The following SPTBN5 variants were observed in gnomAD, a reference collection of about 807,000 sequenced individuals.
The protein encoded by SPTBN5 is spectrin beta chain, non-erythrocytic 5.
A neutral mutation model predicts 477.6 loss-of-function variants in SPTBN5; 513 were observed. The observed-to-expected ratio is 1.07, with a 90% CI of 1.00 to 1.16. The LOEUF (loss-of-function observed/expected upper bound fraction) is 1.16, where lower values mean the gene tolerates loss of function less well. Ranked by LOEUF, SPTBN5 falls within the 50% of genes most tolerant of loss-of-function variation. The probability of loss-of-function intolerance (pLI) is 0.00; values close to 1 mark genes in which losing one functional copy is unlikely to be tolerated. For synonymous variants in SPTBN5, 2,169 were observed against 2,011.7 expected (o/e 1.08, Z -2.09); for missense variants, 5,062 against 4,731.8 (o/e 1.07, Z -2.05).
At position 41,893,392 on chromosome 15, in the gene SPTBN5, T is replaced by C. The variant is rs751703659; in HGVS notation, c.106A>G (p.Met36Val). The stretch of plus-strand genomic sequence containing the variant: ...TGGCCCGTCTCGTACTGAGAGTCCA[T>C]GGTGAGACTTGGACTGGGCGGGACC... Reference protein sequence around the residue: ...LRVPPSPSLTMDSQYETGHIR... With the variant: ...LRVPPSPSLTVDSQYETGHIR... The change falls in exon 2 of 68, where the codon ATG becomes GTG. Residue 36 changes from methionine to valine, a missense_variant. Coordinates refer to ENST00000320955, the MANE Select transcript of SPTBN5 (RefSeq NM_016642.4). 5 of 1,613,686 alleles carry C rather than the reference T, an allele frequency of 3.1e-6. No homozygotes were observed. In the African/African-American group the frequency reaches 5.3e-5, roughly 17 times the overall value.
In SPTBN5 at chr15:41,855,696, C is replaced by T. The variant is rs755970158; in HGVS notation, c.9071G>A (p.Ser3024Asn). The change falls in exon 54 of 68, where the codon AGC (serine) becomes AAC (asparagine). Residue 3024 changes from serine to asparagine, a missense_variant. Ser to Asn is a conservative substitution (Grantham distance 46). Coordinates refer to ENST00000320955, the MANE Select transcript of SPTBN5 (RefSeq NM_016642.4). ...WLAERGHVLDSEDMGHSAEAT... is the reference protein window; with the variant it reads ...WLAERGHVLDNEDMGHSAEAT... The stretch of plus-strand genomic sequence containing the variant: ...TTCAGCACTGTGGCCCATGTCCTCG[C>T]TGTCCAGGACATGGCCCCGCTCAGC... The T allele has an allele frequency of 1.9e-6, 3 of 1,600,950 alleles. No homozygotes were observed. In the South Asian group the frequency reaches 3.3e-5, roughly 18 times the overall value.
At position 41,883,101 on chromosome 15, in the gene SPTBN5, G is replaced by A; in HGVS notation, c.1787C>T (p.Thr596Ile). The change falls in exon 9 of 68, where the codon ACA (threonine) becomes ATA (isoleucine). Residue 596 changes from threonine to isoleucine, a missense_variant. Transcript: ENST00000320955. ...GAHVSHLAQQTAELDSSLGTS... is the reference protein window; with the variant it reads ...GAHVSHLAQQIAELDSSLGTS... ...GCCCAGGGAGGAGTCCAGCTCTGCT[G>A]TCTGCTGAGCAAGATGGCTCACATG... 2 of 1,609,514 alleles carry A rather than the reference G, an allele frequency of 1.2e-6. No individual in the cohort carries two copies. The highest frequency in any genetic ancestry group is 1.1e-5 in the South Asian group (1 of 90,096).
intron 34 of SPTBN5, 56 bp from the exon 35 acceptor site, chr15:41,867,698 A>G: frequency 6.5e-7 from 1 of 1,541,146 alleles, no homozygotes; most frequent in Non-Finnish European, 8.9e-7. Context: ...CAGCCCCTCC[A>G]GCTGCAGTCT....
chr15:41,892,029 A>T (rs2067329510), intron 3 of SPTBN5, among the ~76,000 whole-genome samples: 1 of 152,202 alleles, frequency 6.6e-6, no homozygotes, highest in African/African-American at 2.4e-5. Flanking sequence ...AGGGCCCAGC[A>T]TTCTGCAGCT....
intron 7 of SPTBN5, 97 bp downstream of exon 7, chr15:41,885,638 C>T: frequency 1.4e-6 from 2 of 1,414,820 alleles, no homozygotes; most frequent in Non-Finnish European, 1.9e-6. Context: ...TCATCCCTCT[C>T]CTCTCTGGCA....
At chr15:41,881,672 G>A (rs1224638875) in intron 12 of SPTBN5, among the ~76,000 whole-genome samples, 1 of 152,214 alleles carries the variant, frequency 6.6e-6, no homozygotes. Flanking sequence ...AGTGCTTAAC[G>A]GTCTGAAACT....
At chr15:41,883,528 G>A (rs779035391) in intron 7 of SPTBN5, 42 bp from the exon 8 acceptor site, 2 of 1,594,096 alleles carry the variant, frequency 1.3e-6, no homozygotes, top group Admixed American at 3.4e-5. Context: ...CTGGGTTGGG[G>A]CAGGGAAGCT....
At chr15:41,868,837 A>G (rs2140939456) in intron 32 of SPTBN5, among the ~76,000 whole-genome samples, 1 of 152,240 alleles carries the variant, frequency 6.6e-6, no homozygotes, top group South Asian at 2.1e-4. Flanking sequence ...ACCACGACAC[A>G]TCTCTGCCCT....
rs1351944414 is a variant in SPTBN5 at position 41,860,723 on chromosome 15, C to T, written c.7851G>A (p.Lys2617=). 2 of 1,600,848 alleles carry T rather than the reference C, an allele frequency of 1.2e-6. No homozygotes were observed. Among genetic ancestry groups the T allele is most frequent in the South Asian group, 2.3e-5 (2 of 88,108 alleles). ...PLAPMEPLLW[K]HKMLEWDLEV... is the part of the protein sequence containing the mutation. The stretch of plus-strand genomic sequence containing the variant: ...CCAGGTCCCACTCCAGCATCTTGTG[C>T]TTCCACAGAAGGGGCTCCATGGGGG... Residue 2617 remains lysine, a synonymous_variant, in exon 47 of 68, where the codon AAG becomes AAA. Transcript: ENST00000320955.
intron 27 of SPTBN5, 129 bp downstream of exon 27, chr15:41,872,173 C>T: frequency 7.2e-6 from 9 of 1,257,968 alleles, no homozygotes; most frequent in Non-Finnish European, 9.7e-6. Context: ...GCAACACACA[C>T]CCTTTTCCCA....
rs746078806 is a variant in SPTBN5 at position 41,882,416 on chromosome 15, C to T, written c.2100G>A (p.Arg700=). Residue 700 remains arginine, a synonymous_variant, in exon 11 of 68, where the codon CGG becomes CGA. Transcript: ENST00000320955. ...TGCGGGCGCTGAGGTCGCGTCCCCT[C>T]CGCACGAGATCTACGCACACGGCCT... is the stretch of plus-strand genomic sequence containing the variant. ...RHQAVCVDLV[R]RGRDLSARRP... 4 of 1,541,126 alleles carry T rather than the reference C, an allele frequency of 2.6e-6. No individual in the cohort carries two copies. In the South Asian group the frequency reaches 3.6e-5, roughly 14 times the overall value.
At position 41,893,450 on chromosome 15, in the gene SPTBN5, C is replaced by T. The variant is rs373185261; in HGVS notation, c.48G>A (p.Gly16=). Reference sequence around the variant, plus strand: ...CTGTGCTGGGCCTCCTGCTGCGGTGCCCTGCAGCCCCGAGGAGCTCCCGGG... The same window carrying T: ...CTGTGCTGGGCCTCCTGCTGCGGTGTCCTGCAGCCCCGAGGAGCTCCCGGG... ...HSPRELLGAA[G]HRSRRPSTEL... Residue 16 remains glycine, a synonymous_variant, in exon 2 of 68, where the codon GGG becomes GGA. Coordinates refer to ENST00000320955, the MANE Select transcript of SPTBN5 (RefSeq NM_016642.4). 7 of 1,608,704 alleles carry T rather than the reference C, an allele frequency of 4.4e-6. No homozygotes were observed. In the African/African-American group the frequency reaches 8.0e-5, roughly 18 times the overall value.
chr15:41,863,999 C>T lies in SPTBN5; in HGVS notation c.6944G>A (p.Arg2315Lys). ...CTGCAGTGACAAGTCACTGATGCTC[C>T]TGATGCAGGCATCACCCACTGTGTC... ...AGDTVGDACI[R>K]SISDLSLQLK... Residue 2315 changes from arginine (R) to lysine (K), a missense_variant, in exon 40 of 68, where the codon AGG (arginine) becomes AAG (lysine). Transcript: ENST00000320955. 1 of 1,613,606 alleles carries T rather than the reference C, an allele frequency of 6.2e-7. No homozygotes were observed. Among genetic ancestry groups the T allele is most frequent in the Non-Finnish European group, 8.5e-7 (1 of 1,179,842 alleles).
Position 41,853,712 on chromosome 15 carries a change from C to T in SPTBN5, c.9850G>A (p.Ala3284Thr). 6.3e-7 allele frequency: 1 copy of T among 1,595,070 alleles called. No homozygotes were observed. The highest frequency in any genetic ancestry group is 8.5e-7 in the Non-Finnish European group (1 of 1,171,676). Residue 3284 changes from alanine (A) to threonine (T), a missense_variant, in exon 58 of 68, where the codon GCA becomes ACA. Coordinates refer to ENST00000320955, the MANE Select transcript of SPTBN5 (RefSeq NM_016642.4). ...EACRLGQLHP[A>T]APGGLAKVQE... ...ACCTTGGCCAGGCCCCCCGGAGCTG[C>T]AGGATGTAGCTGGCCCAGTCGGCAG...
chr15:41,871,490 G>A lies in SPTBN5; in HGVS notation c.5332C>T (p.His1778Tyr). ...CGCTGGCTGCCCATCTCCACTTGGT[G>A]CTGAAACTTTGCAAACTTGGTGCAG... is the stretch of plus-strand genomic sequence containing the variant. The part of the protein sequence containing the change: ...HLCTKFAKFQ[H>Y]QVEMGSQRVA... The change falls in exon 29 of 68, where the codon CAC becomes TAC. Residue 1778 changes from histidine to tyrosine, a missense_variant. By Grantham distance (83) the His-to-Tyr change is moderately conservative. Transcript: ENST00000320955. The A allele has an allele frequency of 2.0e-6, 3 of 1,523,496 alleles. No individual in the cohort carries two copies. Among genetic ancestry groups the A allele is most frequent in the Non-Finnish European group, 2.6e-6 (3 of 1,134,690 alleles). 94.4% of individuals were successfully genotyped at this position (1,523,496 alleles called of 1,614,324 possible).
rs1344800073 is a variant in SPTBN5 at position 41,865,740 on chromosome 15, T to C, written c.6918+68A>G. ...GCCCTGCTCTACAGCCCACACTCTT[T>C]CCCTGCTCTCAGTTGGATTTTCAGT... On this transcript the variant is annotated intron_variant, in intron 39 of 67. Transcript: ENST00000320955. The C allele has an allele frequency of 2.8e-6, 4 of 1,404,920 alleles. No homozygotes were observed. In the East Asian group the frequency reaches 1.0e-4, roughly 35 times the overall value. 87.0% of individuals were successfully genotyped at this position (1,404,920 alleles called of 1,614,324 possible).
intron 51 of SPTBN5, 38 bp from the exon 52 acceptor site, chr15:41,857,077 C>T (rs771540186): frequency 9.5e-6 from 15 of 1,574,578 alleles, no homozygotes; most frequent in Non-Finnish European, 1.1e-5. Flanking sequence ...GAGGCAGGGA[C>T]CAGGGTGTCA....
intron 39 of SPTBN5, among the ~76,000 whole-genome samples, chr15:41,864,603 T>C (rs947462496): frequency 9.9e-5 from 15 of 152,218 alleles, no homozygotes; most frequent in Non-Finnish European, 1.9e-4. Flanking sequence ...CGTGAGCCAC[T>C]GTGCCCAGCC....
rs538171573 is a variant in SPTBN5, at chr15:41,853,107, G to A, written c.10171-107C>T. On this transcript the variant is annotated intron_variant, in intron 59 of 67. Coordinates refer to ENST00000320955, the MANE Select transcript of SPTBN5 (RefSeq NM_016642.4). ...AATGGAAGTGCAGAGGGAAGGCTGT[G>A]AGACCCGCACCTGCCCCTTCCCAGC... is the stretch of plus-strand genomic sequence containing the variant. 487 of 1,433,736 alleles carry A rather than the reference G, an allele frequency of 3.4e-4. 2 individuals are homozygous for A. The African/African-American group carries it at 6.5e-3, about 19-fold the overall frequency. The allele number at this position is 1,433,736 out of a possible 1,614,324, so 88.8% of individuals were successfully genotyped here.
Sources: allele counts gnomAD v4.1 joint callset (sites outside exome capture counted in the v4.1 genomes callset), GRCh38; gene constraint gnomAD v4.1.1; transcripts MANE v1.5; gene names NCBI Gene and HGNC (gene_info 2026-07-23, HGNC 2026-07-21).